SDK1: variants seen among roughly 807,000 people sequenced by gnomAD.
SDK1 encodes the protein protein sidekick-1.
Under a neutral mutation model 245.5 loss-of-function variants are expected in SDK1, and 157 were observed. The ratio of observed to expected loss-of-function variants is 0.64; its 90% CI spans 0.56 to 0.73. The LOEUF (loss-of-function observed/expected upper bound fraction) is 0.73, where lower values mean the gene tolerates loss of function less well. Among genes scored for constraint, SDK1 ranks in the 30% least tolerant of loss-of-function variants. The pLI, the probability that SDK1 is intolerant of heterozygous loss-of-function variation, is 0.00. For missense variants in SDK1, 3,583 were observed against 3,002.3 expected (o/e 1.19, Z -4.52); for synonymous variants, 1,647 against 1,278.5 (o/e 1.29, Z -6.15).
At chr7:4,190,319 C>T (rs1307413502) in intron 35 of SDK1, among the ~76,000 whole-genome samples, 1 of 152,170 alleles carries the variant, frequency 6.6e-6, no homozygotes, top group East Asian at 1.9e-4. Context: ...GGCTGTGCTG[C>T]GTACAGGGCT....
intron 1 of SDK1, among the ~76,000 whole-genome samples, chr7:3,533,379 G>A (rs1783413669): frequency 6.6e-6 from 1 of 152,302 alleles, no homozygotes; most frequent in South Asian, 2.1e-4. Context: ...GAAAAGGAAA[G>A]ACCAAGGGAG....
At chr7:3,600,036 A>G (rs540221832) in intron 1 of SDK1, among the ~76,000 whole-genome samples, 1 of 152,242 alleles carries the variant, frequency 6.6e-6, no homozygotes, top group South Asian at 2.1e-4. Flanking sequence ...CATTTTTACT[A>G]TGTTGAGTCT....
At chr7:3,827,738 A>G (rs1346389103) in intron 5 of SDK1, among the ~76,000 whole-genome samples, 1 of 152,168 alleles carries the variant, frequency 6.6e-6, no homozygotes, top group African/African-American at 2.4e-5. Flanking sequence ...CATGTGTTTA[A>G]GAGCCAATGT....
intron 5 of SDK1, among the ~76,000 whole-genome samples, chr7:3,852,156 G>C (rs1780433463): frequency 1.3e-5 from 2 of 151,584 alleles, no homozygotes; most frequent in South Asian, 2.1e-4. Context: ...AATGAGCTTT[G>C]GACGAGAGTG....
At chr7:4,013,971 C>A (rs1273377673) in intron 16 of SDK1, among the ~76,000 whole-genome samples, 3 of 152,256 alleles carry the variant, frequency 2.0e-5, no homozygotes, top group Non-Finnish European at 4.4e-5. Flanking sequence ...GAAAACAGCC[C>A]CGTGTCCCCG....
At chr7:3,540,837 A>G (rs1352111415) in intron 1 of SDK1, among the ~76,000 whole-genome samples, 1 of 152,240 alleles carries the variant, frequency 6.6e-6, no homozygotes, top group African/African-American at 2.4e-5. Context: ...TTAAAGGAGT[A>G]TTTAAAATAT....
In SDK1 at chr7:3,787,224, G is replaced by A. The variant is rs374842748; in HGVS notation, c.714-34226G>A. ...AAACTTTTCTCAGTGGACTATTGCCGTTAGTCTTTCTCCTTTTTCCCACCT... is the reference window on the plus strand; with the variant it reads ...AAACTTTTCTCAGTGGACTATTGCCATTAGTCTTTCTCCTTTTTCCCACCT... On this transcript the variant is annotated intron_variant, in intron 4 of 44. Transcript: ENST00000404826. 4.2e-4 allele frequency among the ~76,000 whole-genome samples: 64 copies of A among 150,946 alleles called. 1 individual carries two copies. The South Asian group carries it at 0.012, about 28-fold the overall frequency.
At chr7:4,204,361 G>A (rs1454634939) in intron 35 of SDK1, among the ~76,000 whole-genome samples, 1 of 152,186 alleles carries the variant, frequency 6.6e-6, no homozygotes, top group Admixed American at 6.5e-5. Flanking sequence ...ATGAGGCTGA[G>A]CATCTGTCAC....
intron 1 of SDK1, among the ~76,000 whole-genome samples, chr7:3,459,963 A>G (rs1411061072): frequency 6.6e-6 from 1 of 152,238 alleles, no homozygotes; most frequent in East Asian, 1.9e-4. Context: ...CTTGGATAGC[A>G]AAGAAAGTGA....
intron 4 of SDK1, among the ~76,000 whole-genome samples, chr7:3,709,507 A>T (rs1027562692): frequency 1.3e-5 from 2 of 152,158 alleles, no homozygotes; most frequent in East Asian, 3.9e-4. Context: ...TCATACTCAC[A>T]GTTCTTCACC....
intron 4 of SDK1, among the ~76,000 whole-genome samples, chr7:3,760,434 T>G (rs1257472826): frequency 2.0e-5 from 3 of 152,232 alleles, no homozygotes; most frequent in Non-Finnish European, 4.4e-5. Context: ...TATACCTGAA[T>G]GTTTATCCTT....
At chr7:3,535,071 C>G (rs1176930566) in intron 1 of SDK1, among the ~76,000 whole-genome samples, 1 of 152,036 alleles carries the variant, frequency 6.6e-6, no homozygotes, top group Non-Finnish European at 1.5e-5. Context: ...GTCAGGAGTT[C>G]GAGACCAGCC....
chr7:3,669,045 C>G (rs573220652), intron 4 of SDK1, among the ~76,000 whole-genome samples: 1 of 152,116 alleles, frequency 6.6e-6, no homozygotes, highest in Non-Finnish European at 1.5e-5. Context: ...TACCACTTAC[C>G]AAAGCTCTTT....
chr7:4,117,035 G>T (rs1419266021), intron 25 of SDK1, among the ~76,000 whole-genome samples: 1 of 152,238 alleles, frequency 6.6e-6, no homozygotes, highest in Non-Finnish European at 1.5e-5. Flanking sequence ...CTGAATCTTT[G>T]TGACAAAGGA....
At chr7:3,432,360 T>C (rs1779878964) in intron 1 of SDK1, among the ~76,000 whole-genome samples, 1 of 152,018 alleles carries the variant, frequency 6.6e-6, no homozygotes, top group South Asian at 2.1e-4. Flanking sequence ...TCAGTTTATC[T>C]GTTGCTACTA....
chr7:3,655,754 C>T (rs1783163380), intron 4 of SDK1, among the ~76,000 whole-genome samples: 1 of 151,612 alleles, frequency 6.6e-6, no homozygotes, highest in African/African-American at 2.4e-5. Context: ...ATGGTTTGTT[C>T]TGGGGAGATG....
intron 28 of SDK1, among the ~76,000 whole-genome samples, chr7:4,143,783 G>A (rs867940090): frequency 3.9e-4 from 60 of 152,310 alleles, no homozygotes; most frequent in African/African-American, 1.3e-3. Flanking sequence ...GCTCCAGCCC[G>A]ACTCTCTCGT....
chr7:3,673,185 A>C (rs11977537), intron 4 of SDK1, among the ~76,000 whole-genome samples: 55,752 of 151,934 alleles, frequency 0.37, 11,237 homozygotes, highest in African/African-American at 0.53. Flanking sequence ...TTTATCTGCA[A>C]TACTCTCATC....
At chr7:3,407,289 C>G (rs566724203) in intron 1 of SDK1, among the ~76,000 whole-genome samples, 20 of 152,258 alleles carry the variant, frequency 1.3e-4, no homozygotes, top group African/African-American at 4.8e-4. Flanking sequence ...TAGCCATTAC[C>G]CAATGTTGTG....
Sources: allele counts gnomAD v4.1 joint callset (sites outside exome capture counted in the v4.1 genomes callset), GRCh38; gene constraint gnomAD v4.1.1; transcripts MANE v1.5; gene names NCBI Gene and HGNC (gene_info 2026-07-23, HGNC 2026-07-21).